The following ADAMTS9 variants were observed in gnomAD, a reference collection of about 807,000 sequenced individuals.
The protein encoded by ADAMTS9 is A disintegrin and metalloproteinase with thrombospondin motifs 9.
Under a neutral mutation model 257.1 loss-of-function variants are expected in ADAMTS9, and 107 were observed. The observed-to-expected ratio is 0.42, with a 90% CI of 0.36 to 0.49. ADAMTS9 has a LOEUF of 0.49. Among genes scored for constraint, ADAMTS9 ranks in the 20% least tolerant of loss-of-function variants. The pLI is 0.03. For synonymous variants in ADAMTS9, 982 were observed against 880.9 expected, an observed-to-expected ratio of 1.11 and a Z score of -2.03; for missense variants, 2,353 against 2,469.1, an observed-to-expected ratio of 0.95 and a Z score of 1.00.
At chr3:64,532,065 T>G (rs2082989115) in intron 38 of ADAMTS9, among the ~76,000 whole-genome samples, 2 of 152,176 alleles carry the variant, frequency 1.3e-5, no homozygotes, top group Non-Finnish European at 2.9e-5. Flanking sequence ...CTCATCTGTG[T>G]GGGAAGGACC....
chr3:64,559,006 G>A lies in ADAMTS9; in HGVS notation c.4698+2572C>T, dbSNP rs969123880. 6.6e-5 allele frequency among the ~76,000 whole-genome samples: 10 copies of A among 152,282 alleles called. No individual in the cohort carries two copies. The East Asian group carries it at 1.5e-3, about 24-fold the overall frequency. ...TGTGAGAGGCGGTGGCAGCAAGATCGGAGGTGAGGGCTGTGATTTAGGGGA... is the reference window on the plus strand; with the variant it reads ...TGTGAGAGGCGGTGGCAGCAAGATCAGAGGTGAGGGCTGTGATTTAGGGGA... On this transcript the variant is annotated intron_variant, in intron 30 of 39. Coordinates refer to ENST00000498707, the MANE Select transcript of ADAMTS9 (RefSeq NM_182920.2).
chr3:64,611,221 A>G (rs773535057), intron 22 of ADAMTS9, among the ~76,000 whole-genome samples: 14 of 152,218 alleles, frequency 9.2e-5, no homozygotes, highest in Admixed American at 5.9e-4. Flanking sequence ...ACTATTCACA[A>G]TAGCCAAAGG....
At position 64,604,146 on chromosome 3, in the gene ADAMTS9, C is replaced by T; in HGVS notation, c.3580-57G>A. The T allele has an allele frequency of 2.5e-6, 4 of 1,600,484 alleles. No homozygotes were observed. In the Admixed American group the frequency reaches 6.7e-5, roughly 27 times the overall value. On this transcript the variant is annotated intron_variant, in intron 24 of 39. Transcript: ENST00000498707. The stretch of plus-strand genomic sequence containing the variant: ...TTACGTGGAATGGCTGCTTACTGGA[C>T]AGTAGCCCACTTTCTATAGCCATGT...
chr3:64,669,077 G>A (rs1559820532), intron 3 of ADAMTS9, among the ~76,000 whole-genome samples: 2 of 152,100 alleles, frequency 1.3e-5, no homozygotes, highest in Non-Finnish European at 2.9e-5. Flanking sequence ...AACCTCACTG[G>A]TCTTCCTCCC....
chr3:64,612,212 A>G (rs1436628159), intron 22 of ADAMTS9, among the ~76,000 whole-genome samples: 2 of 152,214 alleles, frequency 1.3e-5, no homozygotes, highest in Non-Finnish European at 2.9e-5. Flanking sequence ...AGGAAAAAAA[A>G]AGATCTCTAA....
chr3:64,542,395 A>G (rs1254498449), intron 32 of ADAMTS9, among the ~76,000 whole-genome samples: 1 of 149,398 alleles, frequency 6.7e-6, no homozygotes, highest in Non-Finnish European at 1.5e-5. Flanking sequence ...AAGTCGTTAT[A>G]CACTTTTGCC....
intron 29 of ADAMTS9, among the ~76,000 whole-genome samples, chr3:64,564,508 A>G (rs1414007520): frequency 6.6e-6 from 1 of 152,216 alleles, no homozygotes; most frequent in Non-Finnish European, 1.5e-5. Context: ...TAATAGCAAT[A>G]ATAACACAAA....
At chr3:64,651,285 T>C in intron 8 of ADAMTS9, 122 bp from the exon 9 acceptor site, 1 of 710,038 alleles carries the variant, frequency 1.4e-6, no homozygotes, top group Non-Finnish European at 2.2e-6. Flanking sequence ...GATAAGAACC[T>C]GAACCCTGGT....
At chr3:64,540,798 C>CTTCA (rs145689016) in intron 36 of ADAMTS9, among the ~76,000 whole-genome samples, 1,763 of 152,172 alleles carry the variant, frequency 0.012, 28 homozygotes, top group African/African-American at 0.037. Context: ...CTTTCACCTA[C>CTTCA]TTCATTCATT....
chr3:64,680,425 T>C (rs1011001692), intron 3 of ADAMTS9, among the ~76,000 whole-genome samples: 5 of 152,216 alleles, frequency 3.3e-5, no homozygotes, highest in East Asian at 1.9e-4. Context: ...AATTATTTCA[T>C]AGGATAACCT....
At chr3:64,534,185 G>A (rs540755062) in intron 37 of ADAMTS9, among the ~76,000 whole-genome samples, 30 of 152,250 alleles carry the variant, frequency 2.0e-4, no homozygotes, top group African/African-American at 6.3e-4. Flanking sequence ...AGGCAAGGAG[G>A]AGCTCACAGC....
At chr3:64,596,794 T>C (rs1464960258) in intron 27 of ADAMTS9, 36 bp downstream of exon 27, 2 of 1,610,708 alleles carry the variant, frequency 1.2e-6, no homozygotes, top group East Asian at 2.2e-5. Flanking sequence ...GTTAACACAA[T>C]TCCTCTGTAT....
At chr3:64,617,914 G>A (rs1403536939) in intron 19 of ADAMTS9, among the ~76,000 whole-genome samples, 1 of 152,148 alleles carries the variant, frequency 6.6e-6, no homozygotes, top group Admixed American at 6.6e-5. Flanking sequence ...CTTCTCTTCA[G>A]TCTTTCAGTT....
At chr3:64,561,828 G>A in intron 29 of ADAMTS9, 77 bp from the exon 30 acceptor site, 1 of 1,354,874 alleles carries the variant, frequency 7.4e-7, no homozygotes, top group Non-Finnish European at 1.0e-6. Flanking sequence ...GAGGGTCACA[G>A]AGGAGGGGAA....
At chr3:64,658,941 C>T (rs1028950907) in intron 3 of ADAMTS9, 150 bp from the exon 4 acceptor site, 8 of 766,784 alleles carry the variant, frequency 1.0e-5, no homozygotes, top group Admixed American at 8.6e-5. Context: ...CACCTCAATC[C>T]GTACTCCCAC....
rs138057839 is a variant in ADAMTS9 at position 64,660,546 on chromosome 3, A to T, written c.680-1755T>A. On this transcript the variant is annotated intron_variant, in intron 3 of 39. Transcript: ENST00000498707. ...CATACCATTCTGAGCAGTGTGATGG[A>T]CTCTGGCACTATCCTGCCCCATCCT... Among the ~76,000 whole-genome samples, 96 of 152,164 alleles carry T rather than the reference A, an allele frequency of 6.3e-4. 1 individual carries two copies. The highest frequency in any genetic ancestry group is 3.4e-3 in the Middle Eastern group (1 of 294).
At position 64,681,206 on chromosome 3, in the gene ADAMTS9, G is replaced by A. The variant is rs769389617; in HGVS notation, c.674C>T (p.Thr225Ile). The A allele has an allele frequency of 1.1e-5, 17 of 1,612,130 alleles. No individual in the cohort carries two copies. The East Asian group carries it at 1.8e-4, about 17-fold the overall frequency. Residue 225 changes from threonine (T) to isoleucine (I), a missense_variant, in exon 3 of 40, where the codon ACC becomes ATC. By Grantham distance (89) the Thr-to-Ile change is moderately conservative. This residue lies in a region of ADAMTS9 where 591 missense variants were observed against 569.6 expected (regional missense o/e 1.04). Transcript: ENST00000498707. ...CTTAAGCAAGAAGCAAATACCTGAG[G>A]TGTCACATGCATGCCTTCCTGTTGA... ...EPSTGRHACD[T>I]SEHKNRHSKD...
At chr3:64,524,966 T>C (rs780595717) in intron 38 of ADAMTS9, among the ~76,000 whole-genome samples, 8 of 152,212 alleles carry the variant, frequency 5.3e-5, no homozygotes, top group Non-Finnish European at 1.0e-4. Flanking sequence ...AATTTTGGCC[T>C]GGTAAATTCT....
intron 11 of ADAMTS9, among the ~76,000 whole-genome samples, chr3:64,645,685 A>T (rs1467121080): frequency 6.6e-6 from 1 of 152,204 alleles, no homozygotes; most frequent in Admixed American, 6.5e-5. Context: ...AAGCTGCTAG[A>T]CATGGCCACT....
Sources: allele counts gnomAD v4.1 joint callset (sites outside exome capture counted in the v4.1 genomes callset), GRCh38; gene constraint gnomAD v4.1.1; regional missense constraint gnomAD v4.1.1; transcripts MANE v1.5; gene names NCBI Gene and HGNC (gene_info 2026-07-23, HGNC 2026-07-21).